CRADD: variants seen among roughly 807,000 people sequenced by gnomAD.
CRADD encodes death domain-containing protein CRADD.
Under a neutral mutation model 15.5 loss-of-function variants are expected in CRADD, and 9 were observed. That is an observed-to-expected ratio of 0.58 (90% CI 0.35 to 1.01). The LOEUF (loss-of-function observed/expected upper bound fraction) is 1.01, where lower values mean the gene tolerates loss of function less well. CRADD is among the 50% of genes least tolerant of loss of function. CRADD has a pLI of 0.02. For synonymous variants in CRADD, 118 were observed against 107.6 expected (o/e 1.10, Z -0.60); for missense variants, 227 against 250.3 (o/e 0.91, Z 0.63).
At chr12:93,881,714 T>G (rs1958503804) in intron 2 of CRADD, among the ~76,000 whole-genome samples, 1 of 152,240 alleles carries the variant, frequency 6.6e-6, no homozygotes. Flanking sequence ...AAGTTGCCCC[T>G]GAGACTAATC....
intron 1 of CRADD, 149 bp downstream of exon 1, chr12:93,677,621 C>T (rs1955189562): frequency 6.6e-6 from 1 of 152,298 alleles, no homozygotes; most frequent in Admixed American, 6.5e-5. Flanking sequence ...CGGAGGCCCG[C>T]TCTCCCCTTG....
chr12:93,697,121 C>T (rs946421664), intron 2 of CRADD, among the ~76,000 whole-genome samples: 39 of 152,288 alleles, frequency 2.6e-4, no homozygotes, highest in African/African-American at 8.4e-4. Flanking sequence ...CTCTATTTAG[C>T]CATCCTGCAA....
At chr12:93,752,128 A>T (rs1465741418) in intron 2 of CRADD, among the ~76,000 whole-genome samples, 2 of 152,206 alleles carry the variant, frequency 1.3e-5, no homozygotes, top group Admixed American at 1.3e-4. Flanking sequence ...CGCTATGACC[A>T]TTCCCATTCC....
At chr12:93,889,485 A>G (rs1156678053) in intron 2 of CRADD, among the ~76,000 whole-genome samples, 2 of 152,178 alleles carry the variant, frequency 1.3e-5, no homozygotes, top group African/African-American at 4.8e-5. Flanking sequence ...CATCTTTTCT[A>G]CCAGGCTCAG....
At chr12:93,865,093 C>G (rs1958353586) in intron 2 of CRADD, among the ~76,000 whole-genome samples, 1 of 152,178 alleles carries the variant, frequency 6.6e-6, no homozygotes. Flanking sequence ...CACTCACATC[C>G]TTGGTGCTCA....
intron 2 of CRADD, among the ~76,000 whole-genome samples, chr12:93,859,922 G>T (rs2137058309): frequency 1.3e-5 from 2 of 150,376 alleles, no homozygotes; most frequent in Middle Eastern, 6.9e-3. Context: ...TAGAGATGGG[G>T]TCTCCCCGTG....
At chr12:93,812,462 G>A (rs569481028) in intron 2 of CRADD, among the ~76,000 whole-genome samples, 10 of 151,234 alleles carry the variant, frequency 6.6e-5, no homozygotes, top group African/African-American at 2.2e-4. Context: ...ATCAACTGAG[G>A]TCAGAAGTTC....
intron 2 of CRADD, among the ~76,000 whole-genome samples, chr12:93,860,803 C>A (rs369379279): frequency 6.6e-6 from 1 of 152,124 alleles, no homozygotes; most frequent in Admixed American, 6.5e-5. Flanking sequence ...ATGAAACCAG[C>A]GTAACCAATC....
At chr12:93,868,436 A>G (rs1958389359) in intron 2 of CRADD, among the ~76,000 whole-genome samples, 1 of 152,186 alleles carries the variant, frequency 6.6e-6, no homozygotes, top group Admixed American at 6.5e-5. Flanking sequence ...CAGCCTTATT[A>G]TTGAATACTT....
intron 2 of CRADD, among the ~76,000 whole-genome samples, chr12:93,768,292 C>A (rs1026392637): frequency 6.6e-6 from 1 of 152,108 alleles, no homozygotes; most frequent in Non-Finnish European, 1.5e-5. Flanking sequence ...TGTTAAAAGT[C>A]ACAAAGGATT....
At chr12:93,740,860 T>G (rs545540991) in intron 2 of CRADD, among the ~76,000 whole-genome samples, 2 of 152,344 alleles carry the variant, frequency 1.3e-5, no homozygotes, top group South Asian at 4.1e-4. Context: ...AGAAAATACT[T>G]AATACCTTTT....
In CRADD at chr12:93,843,766, G is replaced by A. The variant is rs141454429; in HGVS notation, c.299-6204G>A. 4.6e-5 allele frequency among the ~76,000 whole-genome samples: 7 copies of A among 151,674 alleles called. No individual in the cohort carries two copies. In the East Asian group the frequency reaches 1.4e-3, roughly 29 times the overall value. On this transcript the variant is annotated intron_variant, in intron 2 of 2. Coordinates refer to ENST00000332896, the MANE Select transcript of CRADD (RefSeq NM_003805.5). The stretch of plus-strand genomic sequence containing the variant: ...GAGGGAGTCTCTCTCTGTTGCCCAG[G>A]CTGGAGTGCAGTGATGCGATCTCAG...
At chr12:93,813,280 G>A (rs550562181) in intron 2 of CRADD, among the ~76,000 whole-genome samples, 1 of 152,256 alleles carries the variant, frequency 6.6e-6, no homozygotes, top group East Asian at 1.9e-4. Context: ...GGAATCTAAC[G>A]TGGTAATGCA....
chr12:93,703,229 C>G (rs1955874840), intron 2 of CRADD, among the ~76,000 whole-genome samples: 1 of 152,024 alleles, frequency 6.6e-6, no homozygotes, highest in East Asian at 1.9e-4. Flanking sequence ...TTAAAAAGTC[C>G]TTTTAATTTA....
At chr12:93,810,613 C>T (rs1957614456) in intron 2 of CRADD, among the ~76,000 whole-genome samples, 1 of 139,910 alleles carries the variant, frequency 7.1e-6, no homozygotes, top group Admixed American at 7.3e-5. Context: ...TTCACTAGGC[C>T]CTTTGCAGAA....
intron 2 of CRADD, among the ~76,000 whole-genome samples, chr12:93,779,344 A>G (rs1270313558): frequency 2.0e-5 from 3 of 152,240 alleles, no homozygotes. Context: ...GGGAGTAACC[A>G]TGATAGTATT....
chr12:93,742,231 T>C (rs1219279278), intron 2 of CRADD, among the ~76,000 whole-genome samples: 2 of 152,204 alleles, frequency 1.3e-5, no homozygotes, highest in Non-Finnish European at 2.9e-5. Flanking sequence ...GGAGAAGGCT[T>C]TGAGGCATCT....
chr12:93,736,672 C>G (rs1419127950), intron 2 of CRADD, among the ~76,000 whole-genome samples: 1 of 152,170 alleles, frequency 6.6e-6, no homozygotes, highest in East Asian at 1.9e-4. Flanking sequence ...TTCTCAGATC[C>G]TACCCCTGGT....
intron 2 of CRADD, among the ~76,000 whole-genome samples, chr12:93,762,321 G>T (rs1462727749): frequency 1.3e-5 from 2 of 152,212 alleles, no homozygotes; most frequent in South Asian, 4.1e-4. Flanking sequence ...GAATTCAGAA[G>T]GCTGCTTCCT....
Sources: gnomAD v4.1 joint callset for allele counts (sites outside exome capture counted in the v4.1 genomes callset) on GRCh38, gnomAD v4.1.1 for gene constraint, MANE v1.5 for transcripts, NCBI Gene and HGNC (gene_info 2026-07-23, HGNC 2026-07-21) for gene names.